The following GALNT11 variants were observed in gnomAD, a reference collection of about 807,000 sequenced individuals.
The protein encoded by GALNT11 is polypeptide N-acetylgalactosaminyltransferase 11, also known as UDP-GalNAc:polypeptide N-acetylgalactosaminyltransferase 11.
In GALNT11, 47 loss-of-function variants were observed where a neutral mutation model predicts 72.7. That is an observed-to-expected ratio of 0.65 (90% CI 0.51 to 0.82). GALNT11 has a LOEUF of 0.82. GALNT11 is among the 40% of genes least tolerant of loss of function. The probability of loss-of-function intolerance (pLI) is 0.00; values close to 1 mark genes in which losing one functional copy is unlikely to be tolerated. For missense variants in GALNT11, 677 were observed against 778.4 expected (o/e 0.87, Z 1.55); for synonymous variants, 270 against 286.6 (o/e 0.94, Z 0.58).
intron 1 of GALNT11, among the ~76,000 whole-genome samples, chr7:152,044,358 T>C (rs1039253928): frequency 1.6e-4 from 24 of 152,158 alleles, no homozygotes; most frequent in African/African-American, 4.6e-4. Context: ...TAAGAACACC[T>C]TAAGGGGTTT....
At chr7:152,057,817 G>A (rs983923840) in intron 1 of GALNT11, among the ~76,000 whole-genome samples, 1 of 152,126 alleles carries the variant, frequency 6.6e-6, no homozygotes, top group African/African-American at 2.4e-5. Context: ...TGTCCATACT[G>A]TATTCAGATT....
chr7:152,089,992 A>G (rs2129032880), intron 1 of GALNT11, among the ~76,000 whole-genome samples: 1 of 152,312 alleles, frequency 6.6e-6, no homozygotes, highest in Admixed American at 6.5e-5. Context: ...GGGATTATAG[A>G]AACTACACCT....
chr7:152,079,753 T>C (rs1295896519), intron 1 of GALNT11, among the ~76,000 whole-genome samples: 1 of 152,246 alleles, frequency 6.6e-6, no homozygotes, highest in Non-Finnish European at 1.5e-5. Context: ...TGTGTATTTT[T>C]ATGTTGTCAT....
chr7:152,039,297 A>G (rs1216290814), intron 1 of GALNT11, among the ~76,000 whole-genome samples: 1 of 152,208 alleles, frequency 6.6e-6, no homozygotes, highest in Non-Finnish European at 1.5e-5. Flanking sequence ...TTATTTATAA[A>G]TAGGTTTTTG....
chr7:152,073,624 G>C (rs374206481), intron 1 of GALNT11, among the ~76,000 whole-genome samples: 1 of 152,118 alleles, frequency 6.6e-6, no homozygotes, highest in Non-Finnish European at 1.5e-5. Flanking sequence ...ATGTCTCTTC[G>C]ATATACCAAT....
intron 1 of GALNT11, among the ~76,000 whole-genome samples, chr7:152,067,191 T>G (rs1178625716): frequency 6.6e-6 from 1 of 152,232 alleles, no homozygotes; most frequent in African/African-American, 2.4e-5. Context: ...TCATACCATA[T>G]TAAGGATACA....
At chr7:152,049,487 T>A (rs2083291348) in intron 1 of GALNT11, among the ~76,000 whole-genome samples, 1 of 152,160 alleles carries the variant, frequency 6.6e-6, no homozygotes, top group South Asian at 2.1e-4. Context: ...CCTAAACAAA[T>A]GGAGTCTCTG....
At chr7:152,113,712 CTTTTTTTTT>C (rs6150397) in intron 8 of GALNT11, among the ~76,000 whole-genome samples, 60 of 96,950 alleles carry the variant, frequency 6.2e-4, no homozygotes, top group Non-Finnish European at 8.7e-4. Flanking sequence ...AGTTGGCTTT[CTTTTTTTTT>C]TTTTTTTTTT....
chr7:152,109,524 T>G (rs2087956706), intron 6 of GALNT11, among the ~76,000 whole-genome samples: 1 of 152,220 alleles, frequency 6.6e-6, no homozygotes, highest in Non-Finnish European at 1.5e-5. Flanking sequence ...GCTGCCGAAT[T>G]CTGCCTTGTC....
chr7:152,072,710 T>C (rs781120919), intron 1 of GALNT11, among the ~76,000 whole-genome samples: 26 of 152,246 alleles, frequency 1.7e-4, no homozygotes, highest in Non-Finnish European at 3.2e-4. Flanking sequence ...TTTACCTGTT[T>C]AGAAAAGTTT....
Position 152,056,683 on chromosome 7 carries a change from A to G in GALNT11, c.-39+30799A>G, listed in dbSNP as rs532396236. Reference sequence around the variant, plus strand: ...CAGAGACACACACCAAACCCATGAGAATGGACTCTGGAGGCTGTGTCCTTT... The same window carrying G: ...CAGAGACACACACCAAACCCATGAGGATGGACTCTGGAGGCTGTGTCCTTT... On this transcript the variant is annotated intron_variant, in intron 1 of 11. Transcript: ENST00000430044. Among the ~76,000 whole-genome samples, 4 of 152,308 alleles carry G rather than the reference A, an allele frequency of 2.6e-5. No individual in the cohort carries two copies. The East Asian group carries it at 7.7e-4, about 29-fold the overall frequency.
chr7:152,115,518 A>G (rs1001272962), intron 8 of GALNT11, among the ~76,000 whole-genome samples: 1 of 152,176 alleles, frequency 6.6e-6, no homozygotes, highest in African/African-American at 2.4e-5. Context: ...TCAAGGAAAA[A>G]CACTTGTGCA....
At chr7:152,034,028 C>A (rs1307161124) in intron 1 of GALNT11, among the ~76,000 whole-genome samples, 1 of 152,186 alleles carries the variant, frequency 6.6e-6, no homozygotes, top group African/African-American at 2.4e-5. Context: ...TTACCCAGGT[C>A]TGCCTTGATC....
intron 9 of GALNT11, 84 bp from the exon 10 acceptor site, chr7:152,118,594 C>G: frequency 1.7e-6 from 2 of 1,159,754 alleles, no homozygotes; most frequent in Non-Finnish European, 1.2e-6. Flanking sequence ...AATAACCTTT[C>G]ACATTTTGCC....
intron 1 of GALNT11, among the ~76,000 whole-genome samples, chr7:152,081,771 A>G (rs1160165472): frequency 3.3e-5 from 5 of 152,078 alleles, no homozygotes; most frequent in Admixed American, 2.0e-4. Context: ...ACCCAATATT[A>G]TGCTTTGTCT....
At chr7:152,098,871 G>A (rs1316598506) in intron 2 of GALNT11, among the ~76,000 whole-genome samples, 1 of 152,210 alleles carries the variant, frequency 6.6e-6, no homozygotes, top group Non-Finnish European at 1.5e-5. Context: ...TCAGAGAGAA[G>A]GCATATTAAG....
rs1282097737 is a variant in GALNT11 at position 152,027,987 on chromosome 7, G to A, written c.-39+2103G>A. On this transcript the variant is annotated intron_variant, in intron 1 of 11. Transcript: ENST00000430044. ...TTACAGGTCTTAAAGGTGGCATGTC[G>A]AGAGTTGTTTGTTCCTCGCAGTAGG... Among the ~76,000 whole-genome samples, 4 of 152,250 alleles carry A rather than the reference G, an allele frequency of 2.6e-5. No individual in the cohort carries two copies. In the East Asian group the frequency reaches 5.8e-4, roughly 22 times the overall value.
chr7:152,046,144 G>A (rs932489585), intron 1 of GALNT11, among the ~76,000 whole-genome samples: 27 of 151,906 alleles, frequency 1.8e-4, no homozygotes, highest in Admixed American at 3.9e-4. Flanking sequence ...TGTTGTGGTC[G>A]GAGAAGATAC....
chr7:152,095,695 G>T (rs567747932), intron 2 of GALNT11, among the ~76,000 whole-genome samples: 1 of 152,214 alleles, frequency 6.6e-6, no homozygotes, highest in East Asian at 1.9e-4. Context: ...ATGGGAAAAT[G>T]TCTAGCTCTT....
Sources: allele counts gnomAD v4.1 joint callset (sites outside exome capture counted in the v4.1 genomes callset), GRCh38; gene constraint gnomAD v4.1.1; transcripts MANE v1.5; gene names NCBI Gene and HGNC (gene_info 2026-07-23, HGNC 2026-07-21).